The following ZDHHC14 variants were observed in gnomAD, a reference collection of about 807,000 sequenced individuals.
ZDHHC14 encodes palmitoyltransferase ZDHHC14.
In ZDHHC14, 16 loss-of-function variants were observed where a neutral mutation model predicts 47.7. That is an observed-to-expected ratio of 0.34 (90% CI 0.23 to 0.51). The LOEUF is 0.51. Among genes scored for constraint, ZDHHC14 ranks in the 20% least tolerant of loss-of-function variants. ZDHHC14 has a pLI of 0.97. For synonymous variants in ZDHHC14, 293 were observed against 278.9 expected (o/e 1.05, Z -0.50); for missense variants, 515 against 662.5 (o/e 0.78, Z 2.44).
intron 1 of ZDHHC14, among the ~76,000 whole-genome samples, chr6:157,494,688 T>C (rs1010930405): frequency 2.0e-5 from 3 of 152,246 alleles, no homozygotes; most frequent in African/African-American, 7.2e-5. Context: ...GGTCACTTTG[T>C]TTCATTAAGG....
chr6:157,575,957 G>A (rs533027820), intron 2 of ZDHHC14, among the ~76,000 whole-genome samples: 2 of 152,190 alleles, frequency 1.3e-5, no homozygotes, highest in African/African-American at 2.4e-5. Context: ...CCTGCGGCCC[G>A]CCCTGGCCCT....
intron 1 of ZDHHC14, among the ~76,000 whole-genome samples, chr6:157,400,129 T>C (rs905462632): frequency 3.3e-5 from 5 of 152,244 alleles, no homozygotes; most frequent in African/African-American, 4.8e-5. Flanking sequence ...TTCTTGCCCC[T>C]TCCTGCTGCT....
intron 3 of ZDHHC14, among the ~76,000 whole-genome samples, chr6:157,600,123 G>A (rs769733024): frequency 1.3e-5 from 2 of 152,166 alleles, no homozygotes; most frequent in Non-Finnish European, 2.9e-5. Context: ...CGGAAAGGTT[G>A]AATGGTTTTT....
At chr6:157,400,697 C>T (rs546327267) in intron 1 of ZDHHC14, among the ~76,000 whole-genome samples, 13 of 152,336 alleles carry the variant, frequency 8.5e-5, no homozygotes, top group South Asian at 6.2e-4. Flanking sequence ...GTTCACCCTG[C>T]TGTGCCTTCT....
chr6:157,585,022 T>G (rs1248741828), intron 2 of ZDHHC14, among the ~76,000 whole-genome samples: 1 of 151,956 alleles, frequency 6.6e-6, no homozygotes, highest in Admixed American at 6.6e-5. Context: ...CTGGCCAACA[T>G]GGCAAAACCC....
At chr6:157,551,441 A>G (rs1489908865) in intron 2 of ZDHHC14, among the ~76,000 whole-genome samples, 1 of 152,206 alleles carries the variant, frequency 6.6e-6, no homozygotes, top group African/African-American at 2.4e-5. Flanking sequence ...CCAGGTATAT[A>G]TAGCCCTCCT....
chr6:157,494,046 G>A (rs145801580), intron 1 of ZDHHC14, among the ~76,000 whole-genome samples: 2,131 of 152,308 alleles, frequency 0.014, 20 homozygotes, highest in Non-Finnish European at 0.023. Context: ...GGTCCTCCCC[G>A]CAGGAGCCCT....
chr6:157,604,162 C>T (rs553907959), intron 3 of ZDHHC14, among the ~76,000 whole-genome samples: 2 of 152,178 alleles, frequency 1.3e-5, no homozygotes, highest in Admixed American at 6.5e-5. Flanking sequence ...TGGCGGGTGC[C>T]TGTAAGCCCA....
Position 157,586,901 on chromosome 6 carries a change from C to T in ZDHHC14, c.407-6087C>T, listed in dbSNP as rs1783717998. ...TGAATTCTAGCTTTCAGCATTTCAC[C>T]TCTTTGTAACAGAGGTTCAATCTTT... On this transcript the variant is annotated intron_variant, in intron 2 of 8. Coordinates refer to ENST00000359775, the MANE Select transcript of ZDHHC14 (RefSeq NM_024630.3). The surrounding 1 kb of genome is among the most constrained non-coding windows in gnomAD (Gnocchi z 4.6). Among the ~76,000 whole-genome samples, 1 of 152,164 alleles carries T rather than the reference C, an allele frequency of 6.6e-6. No homozygotes were observed. The highest frequency in any genetic ancestry group is 2.4e-5 in the African/African-American group (1 of 41,426).
At chr6:157,511,355 G>A (rs972654385) in intron 1 of ZDHHC14, among the ~76,000 whole-genome samples, 5 of 151,844 alleles carry the variant, frequency 3.3e-5, no homozygotes, top group Non-Finnish European at 4.4e-5. Flanking sequence ...CGTGGAGTGG[G>A]GTAAGTGGTG....
At chr6:157,654,104 C>T (rs1777972807) in intron 8 of ZDHHC14, among the ~76,000 whole-genome samples, 1 of 152,172 alleles carries the variant, frequency 6.6e-6, no homozygotes, top group Non-Finnish European at 1.5e-5. Flanking sequence ...TAAAATAGCG[C>T]AAATGATCAG....
intron 1 of ZDHHC14, among the ~76,000 whole-genome samples, chr6:157,514,413 A>T (rs1353623892): frequency 2.0e-5 from 3 of 152,206 alleles, no homozygotes; most frequent in Admixed American, 6.5e-5. Context: ...CAAAACTTGG[A>T]TGTCCCCAGG....
chr6:157,501,106 AT>A (rs1367199374), intron 1 of ZDHHC14, among the ~76,000 whole-genome samples: 1 of 152,254 alleles, frequency 6.6e-6, no homozygotes, highest in South Asian at 2.1e-4. Context: ...GAAAATTCAG[AT>A]TTTTCTCTTC....
intron 1 of ZDHHC14, among the ~76,000 whole-genome samples, chr6:157,522,529 A>T (rs1281200444): frequency 6.6e-6 from 1 of 152,024 alleles, no homozygotes; most frequent in East Asian, 1.9e-4. Flanking sequence ...ATCGTAGAGA[A>T]ATAACTCACA....
intron 2 of ZDHHC14, among the ~76,000 whole-genome samples, chr6:157,565,012 A>G (rs563282382): frequency 6.6e-6 from 1 of 152,308 alleles, no homozygotes; most frequent in African/African-American, 2.4e-5. Flanking sequence ...TGGGAGGCTG[A>G]GGTGGGTGGA....
intron 1 of ZDHHC14, among the ~76,000 whole-genome samples, chr6:157,540,910 G>GTGTGTGTATA (rs1284429244): frequency 1.3e-4 from 16 of 122,992 alleles, no homozygotes; most frequent in African/African-American, 6.1e-4. Context: ...GTGTGTGTGT[G>GTGTGTGTATA]TATATATATA....
chr6:157,467,904 G>C (rs1313877489), intron 1 of ZDHHC14, among the ~76,000 whole-genome samples: 3 of 152,026 alleles, frequency 2.0e-5, no homozygotes, highest in African/African-American at 7.3e-5. Flanking sequence ...ACATATATCG[G>C]TCGATGGATA....
intron 1 of ZDHHC14, among the ~76,000 whole-genome samples, chr6:157,439,045 T>C (rs1358186947): frequency 1.3e-5 from 2 of 152,216 alleles, no homozygotes; most frequent in African/African-American, 2.4e-5. Context: ...GTGAGGGTCA[T>C]TGAGCAACTT....
chr6:157,414,280 G>A (rs908120373), intron 1 of ZDHHC14, among the ~76,000 whole-genome samples: 4 of 152,116 alleles, frequency 2.6e-5, no homozygotes, highest in East Asian at 1.9e-4. Flanking sequence ...TGCCCACGGC[G>A]AACTCCCTTT....
Sources: allele counts gnomAD v4.1 joint callset (sites outside exome capture counted in the v4.1 genomes callset), GRCh38; gene constraint gnomAD v4.1.1; non-coding constraint Gnocchi (gnomAD v3.1); transcripts MANE v1.5; gene names NCBI Gene and HGNC (gene_info 2026-07-23, HGNC 2026-07-21).